SPIN1: variants seen among roughly 807,000 people sequenced by gnomAD.
SPIN1 encodes spindlin 1.
Under a neutral mutation model 26.0 loss-of-function variants are expected in SPIN1, and 3 were observed. The ratio of observed to expected loss-of-function variants is 0.12; its 90% CI spans 0.05 to 0.30. SPIN1 has a LOEUF of 0.30. Ranked by LOEUF, SPIN1 falls within the 10% of genes least tolerant of loss-of-function variation. The pLI is 1.00. For synonymous variants in SPIN1, 101 were observed against 116.5 expected, an observed-to-expected ratio of 0.87 and a Z score of 0.86; for missense variants, 126 against 333.4, an observed-to-expected ratio of 0.38 and a Z score of 4.84.
At chr9:88,409,278 A>G (rs999319344) in intron 1 of SPIN1, among the ~76,000 whole-genome samples, 3 of 150,772 alleles carry the variant, frequency 2.0e-5, no homozygotes, top group African/African-American at 7.3e-5. Context: ...TACAGGCGTG[A>G]GCCACTGTGC....
intron 2 of SPIN1, among the ~76,000 whole-genome samples, chr9:88,441,398 C>CGCGTGTGTGTGTGTGT (rs757363030): frequency 5.1e-5 from 7 of 137,804 alleles, no homozygotes; most frequent in African/African-American, 2.3e-4. Context: ...TGCTGCCATT[C>CGCGTGTGTGTGTGTGT]GTGTGTGTGT....
intron 1 of SPIN1, among the ~76,000 whole-genome samples, chr9:88,421,878 ATATATTT>A (rs945509837): frequency 9.2e-5 from 14 of 151,666 alleles, no homozygotes; most frequent in Non-Finnish European, 1.9e-4. Context: ...TTTTTTTTTA[ATATATTT>A]TATATTGCCA....
chr9:88,412,400 A>C (rs1827469212), intron 1 of SPIN1, among the ~76,000 whole-genome samples: 1 of 152,130 alleles, frequency 6.6e-6, no homozygotes, highest in African/African-American at 2.4e-5. Context: ...GATTGTTTAA[A>C]TTACCAGTCC....
intron 5 of SPIN1, among the ~76,000 whole-genome samples, chr9:88,472,834 T>C (rs1828815769): frequency 6.6e-6 from 1 of 152,254 alleles, no homozygotes; most frequent in African/African-American, 2.4e-5. Context: ...TTATTCTTTT[T>C]GATGCCATTG....
At chr9:88,444,220 A>G (rs1703259514) in intron 2 of SPIN1, among the ~76,000 whole-genome samples, 1 of 143,264 alleles carries the variant, frequency 7.0e-6, no homozygotes, top group Non-Finnish European at 1.5e-5. Flanking sequence ...TTCCCTTTTC[A>G]TAGCCTCTTG....
intron 2 of SPIN1, among the ~76,000 whole-genome samples, chr9:88,427,578 A>G (rs1285948856): frequency 6.6e-6 from 1 of 151,920 alleles, no homozygotes; most frequent in Non-Finnish European, 1.5e-5. Context: ...ATCTAAAAAA[A>G]CGGGACTTTT....
At chr9:88,473,643 TTG>T (rs113216961) in intron 5 of SPIN1, among the ~76,000 whole-genome samples, 9 of 119,254 alleles carry the variant, frequency 7.5e-5, no homozygotes, top group East Asian at 2.4e-4. Context: ...TTCTCCAAAC[TTG>T]TGTGTGTGTG....
At chr9:88,410,537 T>A (rs1827421198) in intron 1 of SPIN1, 4 of 798,438 alleles carry the variant, frequency 5.0e-6, no homozygotes, top group African/African-American at 1.7e-5. Flanking sequence ...AATTAAAATC[T>A]TCTGCTACTG....
chr9:88,461,939 T>A (rs17054151), intron 3 of SPIN1, among the ~76,000 whole-genome samples: 4,060 of 152,328 alleles, frequency 0.027, 139 homozygotes, highest in African/African-American at 0.088. Flanking sequence ...TGCATTGATA[T>A]AAGCTAGTCT....
chr9:88,440,965 G>C (rs550546356), intron 2 of SPIN1, among the ~76,000 whole-genome samples: 1 of 150,328 alleles, frequency 6.7e-6, no homozygotes, highest in Non-Finnish European at 1.5e-5. Flanking sequence ...AGCCTACTTC[G>C]AAATAATAAT....
intron 1 of SPIN1, among the ~76,000 whole-genome samples, chr9:88,424,239 A>G (rs906310936): frequency 1.3e-5 from 2 of 152,294 alleles, no homozygotes; most frequent in African/African-American, 4.8e-5. Context: ...TGGTAAAGTG[A>G]TGAGTAGTTG....
chr9:88,457,194 G>A (rs1828489067), intron 3 of SPIN1, among the ~76,000 whole-genome samples: 2 of 152,006 alleles, frequency 1.3e-5, no homozygotes, highest in South Asian at 4.1e-4. Context: ...CTTCTTATGA[G>A]GGATAATTAA....
chr9:88,469,681 AT>A (rs1289811180), intron 5 of SPIN1, among the ~76,000 whole-genome samples: 1 of 151,938 alleles, frequency 6.6e-6, no homozygotes, highest in Non-Finnish European at 1.5e-5. Context: ...CACCTGGTTA[AT>A]TTTTGTTTGT....
chr9:88,447,922 C>A (rs926572348), intron 2 of SPIN1, among the ~76,000 whole-genome samples: 1 of 152,194 alleles, frequency 6.6e-6, no homozygotes, highest in African/African-American at 2.4e-5. Context: ...TGCTGCCTAT[C>A]AGCCAGCATC....
chr9:88,405,998 TGTGTGTCTGTGTG>T (rs1202316597), intron 1 of SPIN1, among the ~76,000 whole-genome samples: 16 of 84,804 alleles, frequency 1.9e-4, no homozygotes, highest in Non-Finnish European at 3.3e-4. Context: ...GTGCCTGGCT[TGTGTGTCTGTGTG>T]TGTGTGTGTG....
intron 2 of SPIN1, among the ~76,000 whole-genome samples, chr9:88,434,520 A>AT (rs149472462): frequency 0.019 from 2,931 of 152,170 alleles, 71 homozygotes; most frequent in African/African-American, 0.063. Flanking sequence ...GTGATGGGTG[A>AT]TATAACTCCC....
At chr9:88,417,141 C>T (rs1212967121) in intron 1 of SPIN1, among the ~76,000 whole-genome samples, 6 of 152,122 alleles carry the variant, frequency 3.9e-5, no homozygotes, top group Admixed American at 3.9e-4. Flanking sequence ...AGCTAATTAG[C>T]CCTTCATATC....
intron 2 of SPIN1, among the ~76,000 whole-genome samples, chr9:88,428,366 GT>G (rs1402088170): frequency 6.6e-6 from 1 of 152,122 alleles, no homozygotes; most frequent in Non-Finnish European, 1.5e-5. Flanking sequence ...GGTGTTGATA[GT>G]TTCCATATTT....
intron 1 of SPIN1, among the ~76,000 whole-genome samples, chr9:88,389,575 A>G (rs902863508): frequency 2.0e-5 from 3 of 152,210 alleles, no homozygotes; most frequent in African/African-American, 4.8e-5. Context: ...CACTCATGGT[A>G]AATATGGATT....
Sources: allele counts gnomAD v4.1 joint callset (sites outside exome capture counted in the v4.1 genomes callset), GRCh38; gene constraint gnomAD v4.1.1; transcripts MANE v1.5; gene names NCBI Gene and HGNC (gene_info 2026-07-23, HGNC 2026-07-21).